Variants in PDCD6 observed in about 807,000 individuals in gnomAD.
PDCD6 encodes the protein programmed cell death 6.
Under a neutral mutation model 28.3 loss-of-function variants are expected in PDCD6, and 12 were observed. The ratio of observed to expected loss-of-function variants is 0.42; its 90% CI spans 0.27 to 0.69. The LOEUF (loss-of-function observed/expected upper bound fraction) is 0.69. Ranked by LOEUF, PDCD6 falls within the 30% of genes least tolerant of loss-of-function variation. The pLI, the probability that PDCD6 is intolerant of heterozygous loss-of-function variation, is 0.22. For missense variants in PDCD6, 226 were observed against 269.9 expected (o/e 0.84, Z 1.14); for synonymous variants, 92 against 108.0 (o/e 0.85, Z 0.92).
At chr5:289,724 C>T in intron 2 of PDCD6, 1 of 861,068 alleles carries the variant, frequency 1.2e-6, no homozygotes, top group Non-Finnish European at 2.0e-6. Flanking sequence ...AAATTTACCT[C>T]TTTGCTGTCT....
At chr5:279,783 CAAAAA>C (rs35224887) in intron 2 of PDCD6, among the ~76,000 whole-genome samples, 80 of 75,580 alleles carry the variant, frequency 1.1e-3, no homozygotes, top group South Asian at 2.7e-3. Flanking sequence ...AAAGTAATGG[CAAAAA>C]AAAAAAAAAA....
chr5:311,431 G>C (rs775859679), intron 5 of PDCD6, 29 bp downstream of exon 5: 4 of 1,476,282 alleles, frequency 2.7e-6, no homozygotes, highest in South Asian at 1.1e-5. Context: ...GTGGGTTTGT[G>C]GTGGTGGTGG....
chr5:274,088 T>C (rs1738027566), intron 2 of PDCD6, among the ~76,000 whole-genome samples: 1 of 152,210 alleles, frequency 6.6e-6, no homozygotes, highest in African/African-American at 2.4e-5. Flanking sequence ...CCACAGTGGA[T>C]GCAAATGGCT....
intron 2 of PDCD6, among the ~76,000 whole-genome samples, chr5:286,582 T>G (rs1280646694): frequency 2.6e-5 from 4 of 151,818 alleles, no homozygotes; most frequent in African/African-American, 7.3e-5. Context: ...ATGTTCCCTT[T>G]AGAGGACCGT....
rs180755914 is a variant in PDCD6 at position 276,348 on chromosome 5, T to C, written c.163+3576T>C. Reference sequence around the variant, plus strand: ...GGGCTCACGTTTTCATAGTTCCCTCTCACTACTAGGTTGTGAGCTGCGTGA... The same window carrying C: ...GGGCTCACGTTTTCATAGTTCCCTCCCACTACTAGGTTGTGAGCTGCGTGA... On this transcript the variant is annotated intron_variant, in intron 2 of 5. Transcript: ENST00000264933. The C allele has an allele frequency of 3.2e-5, 35 of 1,077,160 alleles. No homozygotes were observed. In the African/African-American group the frequency reaches 5.9e-4, roughly 18 times the overall value. 66.7% of individuals were successfully genotyped at this position (1,077,160 alleles called of 1,614,324 possible).
At chr5:292,915 G>T (rs141929801) in intron 2 of PDCD6, among the ~76,000 whole-genome samples, 10,082 of 152,266 alleles carry the variant, frequency 0.066, 535 homozygotes, top group Non-Finnish European at 0.088. Context: ...TTGGTTGAGG[G>T]TTTACCTCCT....
At position 305,907 on chromosome 5, in the gene PDCD6, T is replaced by C. The variant is rs1200721202; in HGVS notation, c.209-695T>C. 1.3e-5 allele frequency: 2 copies of C among 152,454 alleles called. No homozygotes were observed. The highest frequency in any genetic ancestry group is 6.5e-5 in the Admixed American group (1 of 15,314). The allele number at this position is 152,454 out of a possible 1,614,324, so 9.4% of individuals were successfully genotyped here. A position where few individuals can be genotyped will look rare whatever the true frequency, so the allele number is the denominator to read the frequency against. The stretch of plus-strand genomic sequence containing the variant: ...TCTGATCAAACCAGGAGTAGTCTTA[T>C]TGCAGTCCTGTATTAACCTCTGTTC... On this transcript the variant is annotated intron_variant, in intron 3 of 5. Transcript: ENST00000264933. The surrounding 1 kb of genome is among the most constrained non-coding windows in gnomAD (Gnocchi z 4.0).
At chr5:284,656 G>A (rs62345240) in intron 2 of PDCD6, among the ~76,000 whole-genome samples, 26 of 91,890 alleles carry the variant, frequency 2.8e-4, no homozygotes, top group Admixed American at 1.7e-3. Context: ...GCTGGAGACC[G>A]GGCGGGAGCT....
chr5:275,522 T>C (rs1738135074), intron 2 of PDCD6, among the ~76,000 whole-genome samples: 1 of 152,262 alleles, frequency 6.6e-6, no homozygotes, highest in Non-Finnish European at 1.5e-5. Context: ...TAAAGTCAGG[T>C]TGGTGGCTCA....
At chr5:302,109 C>CGCG (rs1740108583) in intron 2 of PDCD6, among the ~76,000 whole-genome samples, 9 of 45,608 alleles carry the variant, frequency 2.0e-4, no homozygotes, top group African/African-American at 4.9e-4. Flanking sequence ...TGTGTGTGTG[C>CGCG]CTTGGGTTCA....
At chr5:298,428 G>T (rs1048033745) in intron 2 of PDCD6, among the ~76,000 whole-genome samples, 4 of 151,988 alleles carry the variant, frequency 2.6e-5, no homozygotes, top group East Asian at 1.9e-4. Flanking sequence ...TCTTCTTCCT[G>T]CAGAGCAATC....
chr5:301,324 C>G (rs1740034877), intron 2 of PDCD6, among the ~76,000 whole-genome samples: 1 of 152,238 alleles, frequency 6.6e-6, no homozygotes, highest in African/African-American at 2.4e-5. Context: ...TTGCCGCACA[C>G]AGCGGTGAAG....
intron 2 of PDCD6, chr5:290,059 C>T (rs878999781): frequency 9.5e-6 from 15 of 1,586,006 alleles, no homozygotes; most frequent in South Asian, 1.1e-5. Context: ...AGTGACAATT[C>T]TCAGTATTCT....
intron 2 of PDCD6, among the ~76,000 whole-genome samples, chr5:300,283 C>T (rs1235443148): frequency 3.9e-5 from 6 of 152,210 alleles, no homozygotes; most frequent in Admixed American, 2.6e-4. Flanking sequence ...CTGACTGACC[C>T]CCAGGTTCAG....
At chr5:284,955 A>G (rs1246937289) in intron 2 of PDCD6, among the ~76,000 whole-genome samples, 1 of 138,200 alleles carries the variant, frequency 7.2e-6, no homozygotes, top group Non-Finnish European at 1.6e-5. Context: ...TGCTCCCCAC[A>G]GTGTCTCCAG....
intron 2 of PDCD6, among the ~76,000 whole-genome samples, chr5:284,407 GT>G (rs1561034856): frequency 2.6e-5 from 4 of 152,238 alleles, no homozygotes; most frequent in African/African-American, 9.6e-5. Context: ...AGGAGCTGAT[GT>G]TCCAATTTGA....
chr5:294,085 A>G (rs1472028840), intron 2 of PDCD6, among the ~76,000 whole-genome samples: 487 of 136,356 alleles, frequency 3.6e-3, no homozygotes, highest in African/African-American at 9.9e-3. Context: ...TGGAGAACAT[A>G]ACGCTATAAA....
At position 286,905 on chromosome 5, in the gene PDCD6, G is replaced by A. The variant is rs556359192; in HGVS notation, c.163+14133G>A. Among the ~76,000 whole-genome samples, 43 of 152,298 alleles carry A rather than the reference G, an allele frequency of 2.8e-4. 1 individual carries two copies. The East Asian group carries it at 7.3e-3, about 26-fold the overall frequency. On this transcript the variant is annotated intron_variant, in intron 2 of 5. Transcript: ENST00000264933. ...TTAGGTTGTGGAGCTGGAAACTCGC[G>A]GAGGAGTCGGTATTAGTGTTTCTAG... is the stretch of plus-strand genomic sequence containing the variant.
At chr5:278,082 C>T (rs1453603046) in intron 2 of PDCD6, among the ~76,000 whole-genome samples, 4 of 152,186 alleles carry the variant, frequency 2.6e-5, no homozygotes, top group Non-Finnish European at 5.9e-5. Flanking sequence ...CACCTGCTCC[C>T]TTCCCCACCT....
Sources: allele counts gnomAD v4.1 joint callset (sites outside exome capture counted in the v4.1 genomes callset), GRCh38; gene constraint gnomAD v4.1.1; non-coding constraint Gnocchi (gnomAD v3.1); transcripts MANE v1.5; gene names NCBI Gene and HGNC (gene_info 2026-07-23, HGNC 2026-07-21).